DSC1: variants seen among roughly 807,000 people sequenced by gnomAD.
The protein encoded by DSC1 is desmocollin-1.
A neutral mutation model predicts 98.8 loss-of-function variants in DSC1; 79 were observed. The observed-to-expected ratio is 0.80, with a 90% CI of 0.67 to 0.96. DSC1 has a LOEUF of 0.96. Among genes scored for constraint, DSC1 ranks in the 50% least tolerant of loss-of-function variants. The pLI is 0.00. For synonymous variants in DSC1, 405 were observed against 372.1 expected (o/e 1.09, Z -1.02); for missense variants, 1,115 against 1,075.9 (o/e 1.04, Z -0.51).
In DSC1 at chr18:31,131,736, A is replaced by C. The variant is rs982265208; in HGVS notation, c.2345T>G (p.Met782Arg). The change falls in exon 15 of 16, where the codon ATG becomes AGG. Residue 782 changes from methionine to arginine, a missense_variant. Coordinates refer to ENST00000257198, the MANE Select transcript of DSC1 (RefSeq NM_024421.2). ...QGIKTQQSFE[M>R]VKGGYTLDSN... ...ATCCAAAGTGTAGCCTCCTTTGACC[A>C]TCTCAAAACTTTGCTGTGTTTTGAT... The C allele has an allele frequency of 3.1e-6, 5 of 1,614,036 alleles. No individual in the cohort carries two copies. Among genetic ancestry groups the C allele is most frequent in the African/African-American group, 2.7e-5 (2 of 74,938 alleles).
At chr18:31,133,818 A>C in intron 13 of DSC1, 73 bp downstream of exon 13, 1 of 1,446,412 alleles carries the variant, frequency 6.9e-7, no homozygotes, top group Non-Finnish European at 9.2e-7. Flanking sequence ...AATATAAAAA[A>C]CTTCCATGTT....
intron 2 of DSC1, among the ~76,000 whole-genome samples, chr18:31,158,758 G>A (rs959916483): frequency 2.0e-5 from 3 of 151,984 alleles, no homozygotes; most frequent in Non-Finnish European, 4.4e-5. Flanking sequence ...TTTATTGGGG[G>A]CATTTAGATT....
Position 31,159,339 on chromosome 18 carries a change from C to T in DSC1, c.148+106G>A, listed in dbSNP as rs937400334. The T allele has an allele frequency of 3.6e-6, 4 of 1,107,338 alleles. No homozygotes were observed. In the African/African-American group the frequency reaches 4.7e-5, roughly 13 times the overall value. 68.6% of individuals were successfully genotyped at this position (1,107,338 alleles called of 1,614,324 possible). A position where few individuals can be genotyped will look rare whatever the true frequency, so the allele number is the denominator to read the frequency against. ...AAGTGCTGGGATTACAGGCGTGAGC[C>T]ACCGCGCCCGGCCTACTATGTGGTT... On this transcript the variant is annotated intron_variant, in intron 2 of 15. Coordinates refer to ENST00000257198, the MANE Select transcript of DSC1 (RefSeq NM_024421.2).
Position 31,157,524 on chromosome 18 carries a change from G to A in DSC1, c.198C>T (p.Asp66=). The A allele has an allele frequency of 6.2e-7, 1 of 1,614,224 alleles. No individual in the cohort carries two copies. ...CATCTTCTAGAATTCTGAAGGCAGG[G>A]TCACTGGACCGGATTAGGCTGGCCG... is the stretch of plus-strand genomic sequence containing the variant. ...LKSASLIRSS[D]PAFRILEDGS... is the part of the protein sequence containing the mutation. Residue 66 remains aspartate, a synonymous_variant, in exon 3 of 16, where the codon GAC becomes GAT. Transcript: ENST00000257198.
At chr18:31,159,049 T>TTTTTTGTTTGTTTG (rs1366906188) in intron 2 of DSC1, among the ~76,000 whole-genome samples, 16 of 85,712 alleles carry the variant, frequency 1.9e-4, no homozygotes, top group African/African-American at 5.9e-4. Flanking sequence ...ACTATGTGGT[T>TTTTTTGTTTGTTTG]TTTTTTTTTT....
At position 31,140,261 on chromosome 18, in the gene DSC1, A is replaced by C. The variant is rs1260474882; in HGVS notation, c.1301T>G (p.Val434Gly). The change falls in exon 10 of 16, where the codon GTT (valine) becomes GGT (glycine). Residue 434 changes from valine (V) to glycine (G), a missense_variant. Transcript: ENST00000257198. ...YEVNRQVILQVGVINEAQFSK... is the reference protein window; with the variant it reads ...YEVNRQVILQGGVINEAQFSK... ...GAATTGTGCCTCGTTAATGACACCAACTTGCAAAATAACTTGGCGATTGAC... is the reference window on the plus strand; with the variant it reads ...GAATTGTGCCTCGTTAATGACACCACCTTGCAAAATAACTTGGCGATTGAC... The C allele has an allele frequency of 6.2e-7, 1 of 1,614,042 alleles. No individual in the cohort carries two copies. Among genetic ancestry groups the C allele is most frequent in the East Asian group, 2.2e-5 (1 of 44,886 alleles).
intron 5 of DSC1, 39 bp from the exon 6 acceptor site, chr18:31,148,681 C>T (rs370850157): frequency 1.8e-5 from 27 of 1,489,674 alleles, no homozygotes; most frequent in Non-Finnish European, 2.2e-5. Flanking sequence ...ATTCTCAAAC[C>T]ACAAATTATG....
intron 12 of DSC1, 33 bp downstream of exon 12, chr18:31,134,539 G>A (rs200995237): frequency 5.5e-4 from 832 of 1,509,702 alleles, no homozygotes; most frequent in Admixed American, 7.5e-4. Flanking sequence ...TCTGAAGTCC[G>A]TATTGACTAT....
chr18:31,147,152 A>G (rs1171691232), intron 6 of DSC1, among the ~76,000 whole-genome samples: 2 of 119,784 alleles, frequency 1.7e-5, no homozygotes, highest in East Asian at 4.2e-4. Context: ...AAATCAGTTT[A>G]ATTTTTTTTT....
At chr18:31,144,070 C>G (rs1988792728) in intron 7 of DSC1, among the ~76,000 whole-genome samples, 1 of 151,976 alleles carries the variant, frequency 6.6e-6, no homozygotes, top group Admixed American at 6.6e-5. Context: ...CCACCACACC[C>G]AGCTAATCTT....
chr18:31,148,027 T>C (rs1346820604), intron 6 of DSC1, among the ~76,000 whole-genome samples: 2 of 152,164 alleles, frequency 1.3e-5, no homozygotes, highest in African/African-American at 4.8e-5. Flanking sequence ...AAATGATCCC[T>C]GGCCCACGTG....
At chr18:31,140,620 C>T (rs890911944) in intron 9 of DSC1, among the ~76,000 whole-genome samples, 1 of 152,112 alleles carries the variant, frequency 6.6e-6, no homozygotes, top group African/African-American at 2.4e-5. Flanking sequence ...TACTTTACTG[C>T]TTATTATATG....
chr18:31,159,563 T>G (rs1450342451), intron 1 of DSC1, 34 bp from the exon 2 acceptor site: 2 of 1,541,552 alleles, frequency 1.3e-6, no homozygotes, highest in Non-Finnish European at 1.8e-6. Flanking sequence ...TATCAGGAAT[T>G]AAATTTGATC....
In DSC1 at chr18:31,134,560, A is replaced by C. The variant is rs752432329; in HGVS notation, c.1876+12T>G. The C allele has an allele frequency of 6.3e-6, 10 of 1,590,616 alleles. No individual in the cohort carries two copies. Among genetic ancestry groups the C allele is most frequent in the Non-Finnish European group, 8.6e-6 (10 of 1,164,542 alleles). On this transcript the variant is annotated intron_variant, in intron 12 of 15. Coordinates refer to ENST00000257198, the MANE Select transcript of DSC1 (RefSeq NM_024421.2). ...GTCCGTATTGACTATAAAATTTAGC[A>C]TGATTACATACCATCCTTTTCTTCT...
At position 31,156,176 on chromosome 18, in the gene DSC1, G is replaced by A. The variant is rs938738917; in HGVS notation, c.352-14C>T. 1.3e-5 allele frequency: 20 copies of A among 1,594,832 alleles called. No individual in the cohort carries two copies. Among genetic ancestry groups the A allele is most frequent in the East Asian group, 2.2e-5 (1 of 44,774 alleles). Reference sequence around the variant, plus strand: ...CTTCTTAGGAGACTACATTTGACAAGAAACAAAGAAATGTAGCATTGCTTA... The same window carrying A: ...CTTCTTAGGAGACTACATTTGACAAAAAACAAAGAAATGTAGCATTGCTTA... On this transcript the variant is annotated splice_polypyrimidine_tract_variant and intron_variant, in intron 3 of 15. Transcript: ENST00000257198.
intron 11 of DSC1, among the ~76,000 whole-genome samples, chr18:31,135,848 C>T (rs1988599013): frequency 6.6e-6 from 1 of 152,068 alleles, no homozygotes; most frequent in African/African-American, 2.4e-5. Flanking sequence ...CATGTTTTTG[C>T]TTTAAATACT....
At chr18:31,136,089 G>A (rs1988603186) in intron 11 of DSC1, among the ~76,000 whole-genome samples, 1 of 151,678 alleles carries the variant, frequency 6.6e-6, no homozygotes, top group Admixed American at 6.6e-5. Context: ...AAAACTACCT[G>A]AACAAATTTA....
rs531496530 is a variant in DSC1 at position 31,140,185 on chromosome 18, G to A, written c.1377C>T (p.Thr459=). ...CCTCATCACTGTCTATAATTTTAACGGTGACAGTTGTAGTGCACATTGTAG... is the reference window on the plus strand; with the variant it reads ...CCTCATCACTGTCTATAATTTTAACAGTGACAGTTGTAGTGCACATTGTAG... The part of the protein sequence containing the change: ...QTPTMCTTTV[T]VKIIDSDEGP... The change falls in exon 10 of 16, where the codon ACC becomes ACT. Residue 459 remains threonine (T), a synonymous_variant. Transcript: ENST00000257198. 1.4e-5 allele frequency: 22 copies of A among 1,613,806 alleles called. No individual in the cohort carries two copies. Among genetic ancestry groups the A allele is most frequent in the African/African-American group, 2.7e-5 (2 of 74,890 alleles).
chr18:31,150,780 G>T (rs1308186786), intron 5 of DSC1: 1 of 152,146 alleles, frequency 6.6e-6, no homozygotes, highest in East Asian at 1.9e-4. Flanking sequence ...ACTATAAAAT[G>T]GTTTTATATC....
Sources: allele counts gnomAD v4.1 joint callset (sites outside exome capture counted in the v4.1 genomes callset), GRCh38; gene constraint gnomAD v4.1.1; transcripts MANE v1.5; gene names NCBI Gene and HGNC (gene_info 2026-07-23, HGNC 2026-07-21).